The following DNAH11 variants were observed in gnomAD, a reference collection of about 807,000 sequenced individuals.
The protein encoded by DNAH11 is axonemal beta dynein heavy chain 11.
DNAH11 carries 442 observed loss-of-function variants against 526.0 expected under a neutral mutation model. That is an observed-to-expected ratio of 0.84 (90% CI 0.78 to 0.91). The LOEUF (loss-of-function observed/expected upper bound fraction) is 0.91. Among genes scored for constraint, DNAH11 ranks in the 40% least tolerant of loss-of-function variants. The pLI is 0.00. For synonymous variants in DNAH11, 2,461 were observed against 1,935.9 expected (o/e 1.27, Z -7.12); for missense variants, 6,989 against 5,448.7 (o/e 1.28, Z -8.90).
In DNAH11 at chr7:21,816,527, A is replaced by G. The variant is rs990403391; in HGVS notation, c.10393A>G (p.Ile3465Val). Residue 3465 changes from isoleucine to valine, a missense_variant, in exon 64 of 82, where the codon ATT becomes GTT. Ile to Val is a conservative substitution (Grantham distance 29). Coordinates refer to ENST00000409508, the MANE Select transcript of DNAH11 (RefSeq NM_001277115.2). ...ATCCATGTTGACGGATGATGCTACA[A>G]TTGCCGCCTGGAATAACGAAGGACT... ...LISMLTDDAT[I>V]AAWNNEGLPS... 1.7e-5 allele frequency: 28 copies of G among 1,612,576 alleles called. No homozygotes were observed. The highest frequency in any genetic ancestry group is 5.3e-5 in the African/African-American group (4 of 74,896).
At chr7:21,696,438 A>G (rs959796920) in intron 35 of DNAH11, among the ~76,000 whole-genome samples, 2 of 152,182 alleles carry the variant, frequency 1.3e-5, no homozygotes, top group African/African-American at 4.8e-5. Flanking sequence ...AGCTTTCTCT[A>G]GCATAATAAT....
chr7:21,865,463 T>G (rs527595206), intron 70 of DNAH11, among the ~76,000 whole-genome samples: 23 of 152,298 alleles, frequency 1.5e-4, no homozygotes, highest in African/African-American at 5.5e-4. Flanking sequence ...AGAGTCTGTT[T>G]TCATAGTATG....
chr7:21,613,039 C>G (rs527896285), intron 20 of DNAH11, among the ~76,000 whole-genome samples: 1 of 151,900 alleles, frequency 6.6e-6, no homozygotes, highest in East Asian at 1.9e-4. Flanking sequence ...CGATAGGGAA[C>G]GTGAAAATTT....
chr7:21,691,753 A>G (rs888329630), intron 35 of DNAH11, among the ~76,000 whole-genome samples: 1 of 152,156 alleles, frequency 6.6e-6, no homozygotes, highest in South Asian at 2.1e-4. Flanking sequence ...ATATCATTTT[A>G]TGTAGCTCTA....
intron 57 of DNAH11, 32 bp downstream of exon 57, chr7:21,779,136 G>A: frequency 1.3e-6 from 2 of 1,588,670 alleles, no homozygotes; most frequent in Non-Finnish European, 1.7e-6. Flanking sequence ...AGAGTGCGGA[G>A]CTATATTTAG....
chr7:21,637,795 G>A (rs1786938959), intron 27 of DNAH11, 93 bp downstream of exon 27: 1 of 669,542 alleles, frequency 1.5e-6, no homozygotes, highest in Non-Finnish European at 2.3e-6. Context: ...TGTTATGGAG[G>A]TGCAACCTCT....
intron 30 of DNAH11, among the ~76,000 whole-genome samples, chr7:21,668,552 G>A (rs1782512189): frequency 6.6e-6 from 1 of 152,110 alleles, no homozygotes; most frequent in African/African-American, 2.4e-5. Context: ...TGAGTCTCAT[G>A]TCTTCTGCCA....
At chr7:21,809,098 C>T (rs12700307) in intron 63 of DNAH11, among the ~76,000 whole-genome samples, 68,418 of 151,516 alleles carry the variant, frequency 0.45, 16,823 homozygotes, top group East Asian at 0.82. Context: ...TTATATCTCA[C>T]TGTGGTTTGG....
At chr7:21,730,978 T>C (rs1414130204) in intron 45 of DNAH11, among the ~76,000 whole-genome samples, 1 of 152,080 alleles carries the variant, frequency 6.6e-6, no homozygotes, top group South Asian at 2.1e-4. Flanking sequence ...ACCCGGTCTC[T>C]ACTAAAAATA....
At chr7:21,562,990 C>T (rs1253231234) in intron 5 of DNAH11, among the ~76,000 whole-genome samples, 1 of 152,058 alleles carries the variant, frequency 6.6e-6, no homozygotes, top group Non-Finnish European at 1.5e-5. Context: ...ATTTACTTGA[C>T]TTTGTTCCCT....
intron 28 of DNAH11, among the ~76,000 whole-genome samples, chr7:21,646,983 C>T (rs1404450426): frequency 6.6e-6 from 1 of 152,056 alleles, no homozygotes; most frequent in Non-Finnish European, 1.5e-5. Flanking sequence ...AAAAAAGAGA[C>T]AAATCAAAAC....
intron 25 of DNAH11, among the ~76,000 whole-genome samples, chr7:21,624,150 C>T (rs912759822): frequency 4.6e-5 from 7 of 151,976 alleles, no homozygotes; most frequent in African/African-American, 1.4e-4. Flanking sequence ...AGTACAATAG[C>T]AGGTAGTGTG....
chr7:21,562,232 A>G (rs968600995), intron 5 of DNAH11, among the ~76,000 whole-genome samples: 3 of 152,194 alleles, frequency 2.0e-5, no homozygotes, highest in Non-Finnish European at 4.4e-5. Context: ...GTGGGGGGCC[A>G]TCTTACATAT....
At chr7:21,686,046 C>T (rs1256903279) in intron 32 of DNAH11, among the ~76,000 whole-genome samples, 2 of 152,202 alleles carry the variant, frequency 1.3e-5, no homozygotes, top group African/African-American at 4.8e-5. Context: ...TACTCTGATT[C>T]CTAGTCTGGG....
At chr7:21,633,044 G>A (rs1349463817) in intron 25 of DNAH11, among the ~76,000 whole-genome samples, 2 of 152,198 alleles carry the variant, frequency 1.3e-5, no homozygotes, top group Non-Finnish European at 2.9e-5. Context: ...AGACAAGACA[G>A]CTTGTGCTGG....
chr7:21,817,429 C>G (rs1398305296), intron 64 of DNAH11, among the ~76,000 whole-genome samples: 5 of 150,978 alleles, frequency 3.3e-5, no homozygotes, highest in South Asian at 4.2e-4. Flanking sequence ...GCCTATAATC[C>G]CAGCACTTTA....
chr7:21,678,117 T>C (rs1371698642), intron 30 of DNAH11, among the ~76,000 whole-genome samples: 1 of 152,134 alleles, frequency 6.6e-6, no homozygotes, highest in Non-Finnish European at 1.5e-5. Context: ...GTCTATGTTT[T>C]TGGTGTCAAG....
At chr7:21,875,877 C>CTTTTTTTTTTTTTTT (rs35349937) in intron 74 of DNAH11, among the ~76,000 whole-genome samples, 1 of 78,938 alleles carries the variant, frequency 1.3e-5, no homozygotes, top group African/African-American at 5.3e-5. Context: ...AAGAATATTT[C>CTTTTTTTTTTTTTTT]TTTTTTTTTT....
chr7:21,801,522 T>C (rs1788994135), intron 62 of DNAH11, among the ~76,000 whole-genome samples: 1 of 152,224 alleles, frequency 6.6e-6, no homozygotes. Flanking sequence ...GGAAGACATA[T>C]ACTTTATCAG....
Sources: gnomAD v4.1 joint callset for allele counts (sites outside exome capture counted in the v4.1 genomes callset) on GRCh38, gnomAD v4.1.1 for gene constraint, MANE v1.5 for transcripts, NCBI Gene and HGNC (gene_info 2026-07-23, HGNC 2026-07-21) for gene names.